NDST3: variants seen among roughly 807,000 people sequenced by gnomAD.
NDST3 encodes the protein N-deacetylase and N-sulfotransferase 3.
In NDST3, 58 loss-of-function variants were observed where a neutral mutation model predicts 96.1. The observed-to-expected ratio is 0.60, with a 90% CI of 0.49 to 0.75. The LOEUF (loss-of-function observed/expected upper bound fraction) is 0.75, where lower values mean the gene tolerates loss of function less well. Ranked by LOEUF, NDST3 falls within the 30% of genes least tolerant of loss-of-function variation. The pLI is 0.00. For synonymous variants in NDST3, 333 were observed against 359.7 expected (o/e 0.93, Z 0.84); for missense variants, 788 against 1,034.2 (o/e 0.76, Z 3.27).
intron 6 of NDST3, among the ~76,000 whole-genome samples, chr4:118,156,881 TAAC>T (rs988360459): frequency 2.0e-5 from 3 of 152,212 alleles, no homozygotes; most frequent in Non-Finnish European, 2.9e-5. Context: ...GGAAGAAATT[TAAC>T]AACATCTAAC....
chr4:118,248,330 G>A (rs190668606), intron 12 of NDST3, among the ~76,000 whole-genome samples: 19 of 151,642 alleles, frequency 1.3e-4, no homozygotes, highest in African/African-American at 4.1e-4. Context: ...CAGCCTGGGC[G>A]AAAGAGCAAA....
intron 6 of NDST3, among the ~76,000 whole-genome samples, chr4:118,212,340 A>G (rs1266558292): frequency 6.6e-6 from 1 of 152,122 alleles, no homozygotes; most frequent in Non-Finnish European, 1.5e-5. Flanking sequence ...GAAGTTTGAG[A>G]CCAGCCTGAG....
chr4:118,094,178 C>T (rs1000690512), intron 2 of NDST3, among the ~76,000 whole-genome samples: 3 of 151,844 alleles, frequency 2.0e-5, no homozygotes, highest in African/African-American at 7.2e-5. Flanking sequence ...AACTTTACTA[C>T]TTGCTTCCTA....
At chr4:118,241,018 C>T (rs982449440) in intron 11 of NDST3, among the ~76,000 whole-genome samples, 1 of 152,124 alleles carries the variant, frequency 6.6e-6, no homozygotes, top group African/African-American at 2.4e-5. Flanking sequence ...TAATGTTTTG[C>T]TTAATTAAGT....
At chr4:118,096,215 T>A (rs1729288497) in intron 2 of NDST3, among the ~76,000 whole-genome samples, 1 of 151,944 alleles carries the variant, frequency 6.6e-6, no homozygotes, top group African/African-American at 2.4e-5. Context: ...TACCTCTATA[T>A]ACAGATGCTC....
chr4:118,138,324 G>T, intron 5 of NDST3, 85 bp downstream of exon 5: 1 of 1,245,266 alleles, frequency 8.0e-7, no homozygotes, highest in Non-Finnish European at 1.1e-6. Flanking sequence ...ACAAATGTTA[G>T]CAGCATAAAT....
chr4:118,197,362 G>A lies in NDST3; in HGVS notation c.1540-27129G>A, dbSNP rs551087263. On this transcript the variant is annotated intron_variant, in intron 6 of 13. Coordinates refer to ENST00000296499, the MANE Select transcript of NDST3 (RefSeq NM_004784.3). ...GTAACTATCTATTAGATGTTTCTTT[G>A]TTGATTTTCTGTCTAGAAGATTGAT... is the stretch of plus-strand genomic sequence containing the variant. Among the ~76,000 whole-genome samples, 17 of 108,198 alleles carry A rather than the reference G, an allele frequency of 1.6e-4. No homozygotes were observed. The South Asian group carries it at 5.6e-3, about 36-fold the overall frequency. The allele number at this position is 108,198 out of a possible 152,430, so 71.0% of individuals were successfully genotyped here.
At chr4:118,152,026 AAT>A (rs1483684185) in intron 6 of NDST3, among the ~76,000 whole-genome samples, 1 of 152,216 alleles carries the variant, frequency 6.6e-6, no homozygotes, top group Non-Finnish European at 1.5e-5. Context: ...GTCTAAACAT[AAT>A]ATGTTTTACC....
chr4:118,146,255 G>A (rs1733934725), intron 6 of NDST3, among the ~76,000 whole-genome samples: 3 of 152,162 alleles, frequency 2.0e-5, no homozygotes, highest in Non-Finnish European at 4.4e-5. Flanking sequence ...GATAGCCATT[G>A]TAAGTTTAAG....
chr4:118,134,765 A>G (rs1732933630), intron 4 of NDST3, among the ~76,000 whole-genome samples: 1 of 152,184 alleles, frequency 6.6e-6, no homozygotes, highest in Admixed American at 6.5e-5. Context: ...CAAATACTTC[A>G]TTTACGTTTT....
chr4:118,075,988 G>A (rs1372855775), intron 2 of NDST3, among the ~76,000 whole-genome samples: 3 of 152,172 alleles, frequency 2.0e-5, no homozygotes, highest in Non-Finnish European at 4.4e-5. Context: ...TTTAAGGCAG[G>A]TCTGGTGGTA....
chr4:118,194,279 T>C, intron 6 of NDST3: 2 of 729,578 alleles, frequency 2.7e-6, no homozygotes. Context: ...GGGATAGCCT[T>C]CACCGCAAGT....
chr4:118,159,399 A>G (rs1431430793), intron 6 of NDST3, among the ~76,000 whole-genome samples: 2 of 152,208 alleles, frequency 1.3e-5, no homozygotes, highest in African/African-American at 4.8e-5. Flanking sequence ...TCCACAGACT[A>G]GAGGTGAGAG....
Position 118,053,809 on chromosome 4 carries a change from C to A in NDST3, c.-102C>A. 7.8e-7 allele frequency: 1 copy of A among 1,286,836 alleles called. No individual in the cohort carries two copies. Among genetic ancestry groups the A allele is most frequent in the Non-Finnish European group, 1.1e-6 (1 of 939,102 alleles). 79.7% of individuals were successfully genotyped at this position (1,286,836 alleles called of 1,614,324 possible). A position where few individuals can be genotyped will look rare whatever the true frequency, so the allele number is the denominator to read the frequency against. On this transcript the variant is annotated 5_prime_UTR_variant, in exon 2 of 14. Transcript: ENST00000296499. ...TGATACAAATGAGCTGCAATGGTGA[C>A]ATAAACTCTTGACAGAGATTGGAAA...
At chr4:118,245,055 T>C (rs1741229587) in intron 12 of NDST3, among the ~76,000 whole-genome samples, 1 of 152,206 alleles carries the variant, frequency 6.6e-6, no homozygotes, top group South Asian at 2.1e-4. Context: ...AACATTACTT[T>C]AGTTTTTGTG....
chr4:118,175,065 T>C (rs567956181), intron 6 of NDST3, among the ~76,000 whole-genome samples: 33 of 152,172 alleles, frequency 2.2e-4, no homozygotes, highest in Non-Finnish European at 3.8e-4. Flanking sequence ...CCCCGTATTT[T>C]ACCAGCAACC....
At position 118,179,330 on chromosome 4, in the gene NDST3, C is replaced by T. The variant is rs748248980; in HGVS notation, c.1539+35646C>T. Among the ~76,000 whole-genome samples, 104 of 151,974 alleles carry T rather than the reference C, an allele frequency of 6.8e-4. 1 individual carries two copies. Among genetic ancestry groups the T allele is most frequent in the Admixed American group, 1.1e-3 (16 of 15,230 alleles). The stretch of plus-strand genomic sequence containing the variant: ...ACTTCACATATTTTTAACATTAGTA[C>T]TGCATAAGAAAACATTTATTCCTAT... On this transcript the variant is annotated intron_variant, in intron 6 of 13. Transcript: ENST00000296499.
At chr4:118,220,570 CA>C (rs1412001920) in intron 6 of NDST3, among the ~76,000 whole-genome samples, 4 of 151,886 alleles carry the variant, frequency 2.6e-5, no homozygotes, top group Non-Finnish European at 4.4e-5. Flanking sequence ...ACCTAGGTAA[CA>C]AACCTACACG....
intron 6 of NDST3, among the ~76,000 whole-genome samples, chr4:118,172,097 T>C (rs920024440): frequency 3.3e-5 from 5 of 152,194 alleles, no homozygotes; most frequent in African/African-American, 1.2e-4. Context: ...TATCGGGCCA[T>C]CTCAATGTTC....
Sources: gnomAD v4.1 joint callset for allele counts (sites outside exome capture counted in the v4.1 genomes callset) on GRCh38, gnomAD v4.1.1 for gene constraint, MANE v1.5 for transcripts, NCBI Gene and HGNC (gene_info 2026-07-23, HGNC 2026-07-21) for gene names.